The following ZNF41 variants were observed in gnomAD, a reference collection of about 807,000 sequenced individuals.
The protein encoded by ZNF41 is zinc finger protein 41.
ZNF41 carries 6 observed loss-of-function variants against 9.3 expected under a neutral mutation model. That is an observed-to-expected ratio of 0.65 (90% CI 0.35 to 1.28). The LOEUF is 1.28. Among genes scored for constraint, ZNF41 ranks in the 50% most tolerant of loss-of-function variants. The pLI, the probability that ZNF41 is intolerant of heterozygous loss-of-function variation, is 0.03. For missense variants in ZNF41, 523 were observed against 585.8 expected (o/e 0.89, Z 1.11); for synonymous variants, 192 against 207.1 (o/e 0.93, Z 0.63).
rs184531873 is a variant in ZNF41 at position 47,481,640 on chromosome X, C to T, written c.-280+1455G>A. 1.1e-3 allele frequency among the ~76,000 whole-genome samples: 124 copies of T among 111,513 alleles called. 1 individual carries two copies. Among genetic ancestry groups the T allele is most frequent in the African/African-American group, 3.8e-3 (116 of 30,667 alleles). On this transcript the variant is annotated intron_variant, in intron 1 of 4. Coordinates refer to ENST00000684689, the MANE Select transcript of ZNF41 (RefSeq NM_001324144.2). Reference sequence around the variant, plus strand: ...CCATCTCTGGGCGACAGAGTGAGACCCTGTCTCAAAACAAAATAAAACCGA... The same window carrying T: ...CCATCTCTGGGCGACAGAGTGAGACTCTGTCTCAAAACAAAATAAAACCGA...
chrX:47,481,931 G>A (rs949522817), intron 1 of ZNF41, among the ~76,000 whole-genome samples: 3 of 110,274 alleles, frequency 2.7e-5, no homozygotes, highest in Non-Finnish European at 5.7e-5. Flanking sequence ...CAGACCTAAA[G>A]ACCACCTATC....
Position 47,448,992 on chromosome X carries a change from G to A in ZNF41, c.778C>T (p.His260Tyr). The A allele has an allele frequency of 8.3e-7, 1 of 1,211,666 alleles. No individual in the cohort carries two copies. Among genetic ancestry groups the A allele is most frequent in the Non-Finnish European group, 1.1e-6 (1 of 895,491 alleles). ...KHLSHKQAPT[H>Y]HQKIHPEEKL... ...TCCTCAGGATGAATTTTCTGATGGT[G>A]GGTGGGAGCTTGTTTGTGGCTGAGA... The change falls in exon 5 of 5, where the codon CAC becomes TAC. Residue 260 changes from histidine to tyrosine, a missense_variant. His to Tyr is a moderately conservative substitution (Grantham distance 83). Coordinates refer to ENST00000684689, the MANE Select transcript of ZNF41 (RefSeq NM_001324144.2).
intron 1 of ZNF41, among the ~76,000 whole-genome samples, chrX:47,477,818 T>TC (rs1479510007): frequency 1.8e-5 from 2 of 112,469 alleles, no homozygotes; most frequent in Non-Finnish European, 3.8e-5. Flanking sequence ...TCTACCTCAC[T>TC]CCTTATACCA....
rs1556838958 is a variant in ZNF41 at position 47,462,910 on chromosome X, G to GTATGTA, written c.72+4499_72+4500insTACATA. On this transcript the variant is annotated intron_variant, in intron 2 of 4. Transcript: ENST00000684689. ...TACCCGGCTGATTTTTTTTTTGTAT[G>GTATGTA]TATATATATATATATATCACACACA... Among the ~76,000 whole-genome samples, 5 of 92,754 alleles carry GTATGTA rather than the reference G, an allele frequency of 5.4e-5. No individual in the cohort carries two copies. The South Asian group carries it at 2.7e-3, about 50-fold the overall frequency. 80.5% of individuals were successfully genotyped at this position (92,754 alleles called of 115,157 possible).
At chrX:47,450,872 T>C (rs1369977492) in intron 4 of ZNF41, among the ~76,000 whole-genome samples, 1 of 112,010 alleles carries the variant, frequency 8.9e-6, no homozygotes, top group East Asian at 2.8e-4. Flanking sequence ...GGTCCCTGAA[T>C]GACCCATCAG....
At position 47,447,892 on chromosome X, in the gene ZNF41, A is replaced by C. The variant is rs1257924064; in HGVS notation, c.1878T>G (p.His626Gln). ...AAGGCTTCTCTCCAGTATGGATTCT[A>C]TGATGCGCAATGAAGTGCGATTTCT... is the stretch of plus-strand genomic sequence containing the variant. Reference protein sequence around the residue: ...FIQKSHFIAHHRIHTGEKPYE... With the variant: ...FIQKSHFIAHQRIHTGEKPYE... The change falls in exon 5 of 5, where the codon CAT becomes CAG. Residue 626 changes from histidine to glutamine, a missense_variant. Coordinates refer to ENST00000684689, the MANE Select transcript of ZNF41 (RefSeq NM_001324144.2). The C allele has an allele frequency of 1.7e-6, 2 of 1,209,086 alleles. No homozygotes were observed. Among genetic ancestry groups the C allele is most frequent in the Non-Finnish European group, 2.2e-6 (2 of 894,958 alleles).
At position 47,446,108 on chromosome X, in the gene ZNF41, T is replaced by C. The variant is rs748114403; in HGVS notation, c.*1322A>G. The C allele has an allele frequency of 5.4e-5, 6 of 111,352 alleles. No individual in the cohort carries two copies. In the East Asian group the frequency reaches 1.4e-3, roughly 26 times the overall value. 9.2% of individuals were successfully genotyped at this position (111,352 alleles called of 1,213,427 possible). On this transcript the variant is annotated 3_prime_UTR_variant, in exon 5 of 5. Coordinates refer to ENST00000684689, the MANE Select transcript of ZNF41 (RefSeq NM_001324144.2). ...ATGTTTATGATATATGCATTTTCTG[T>C]ATACATTATAGTTTAATAAAAAGAT...
Position 47,448,903 on chromosome X carries a change from A to G in ZNF41, c.867T>C (p.His289=), listed in dbSNP as rs1177905495. ...ACTTTTCTCCAGCATGAATTCTCTGATGCTCAAACAGATGTGACTTCTGAG... is the reference window on the plus strand; with the variant it reads ...ACTTTTCTCCAGCATGAATTCTCTGGTGCTCAAACAGATGTGACTTCTGAG... ...GFTQKSHLFE[H]QRIHAGEKSR... The change falls in exon 5 of 5, where the codon CAT becomes CAC. Residue 289 remains histidine (H), a synonymous_variant. Coordinates refer to ENST00000684689, the MANE Select transcript of ZNF41 (RefSeq NM_001324144.2). 4.1e-6 allele frequency: 5 copies of G among 1,209,768 alleles called. No homozygotes were observed. Among genetic ancestry groups the G allele is most frequent in the Non-Finnish European group, 5.6e-6 (5 of 895,284 alleles).
intron 4 of ZNF41, among the ~76,000 whole-genome samples, chrX:47,452,883 C>T (rs1048600637): frequency 3.6e-5 from 4 of 111,756 alleles, no homozygotes; most frequent in East Asian, 5.6e-4. Flanking sequence ...TGAGCCACCA[C>T]GCCTGGCTGC....
intron 2 of ZNF41, among the ~76,000 whole-genome samples, chrX:47,457,685 C>T (rs748529639): frequency 8.9e-6 from 1 of 112,006 alleles, no homozygotes; most frequent in East Asian, 2.8e-4. Flanking sequence ...ACCAAAAATA[C>T]AAAAATTAGC....
chrX:47,449,818 G>T (rs1444367876), intron 4 of ZNF41, among the ~76,000 whole-genome samples: 1 of 111,539 alleles, frequency 9.0e-6, no homozygotes, highest in African/African-American at 3.3e-5. Flanking sequence ...GCTGAATATC[G>T]AATAGCTAAA....
At chrX:47,462,203 T>C (rs2056822391) in intron 2 of ZNF41, among the ~76,000 whole-genome samples, 1 of 111,073 alleles carries the variant, frequency 9.0e-6, no homozygotes, top group Admixed American at 9.6e-5. Flanking sequence ...TTACTTTTAC[T>C]CCTCCCTGTC....
At position 47,477,697 on chromosome X, in the gene ZNF41, C is replaced by T. The variant is rs934707009; in HGVS notation, c.-280+5398G>A. 3.9e-4 allele frequency among the ~76,000 whole-genome samples: 44 copies of T among 112,045 alleles called. 1 individual carries two copies. Among genetic ancestry groups the T allele is most frequent in the African/African-American group, 1.4e-3 (43 of 30,905 alleles). ...TTTCTTTATGAAGGCTCCTGTGCCA[C>T]ATAAAACTTGTATTAAATAAATCTG... On this transcript the variant is annotated intron_variant, in intron 1 of 4. Transcript: ENST00000684689.
chrX:47,450,599 C>T (rs966574966), intron 4 of ZNF41, among the ~76,000 whole-genome samples: 1 of 111,809 alleles, frequency 8.9e-6, no homozygotes, highest in Admixed American at 9.6e-5. Flanking sequence ...GCAGAATCTG[C>T]AGGCCCTCCC....
chrX:47,467,867 C>A (rs1260090949), intron 1 of ZNF41, 107 bp from the exon 2 acceptor site: 1 of 192,801 alleles, frequency 5.2e-6, no homozygotes, highest in African/African-American at 3.0e-5. Flanking sequence ...TATTTAAGCT[C>A]TTCTATGTTC....
At chrX:47,456,568 T>C in intron 2 of ZNF41, 170 bp from the exon 3 acceptor site, 1 of 634,974 alleles carries the variant, frequency 1.6e-6, no homozygotes, top group Non-Finnish European at 2.3e-6. Flanking sequence ...TATTAAAGTA[T>C]CTTGACATTT....
intron 4 of ZNF41, among the ~76,000 whole-genome samples, chrX:47,454,915 A>C (rs1414240166): frequency 8.9e-6 from 1 of 111,890 alleles, no homozygotes; most frequent in African/African-American, 3.2e-5. Context: ...TGCCCATGGG[A>C]GGAGGCATAA....
chrX:47,458,578 G>A (rs1042802033), intron 2 of ZNF41, among the ~76,000 whole-genome samples: 5 of 111,507 alleles, frequency 4.5e-5, no homozygotes, highest in African/African-American at 1.6e-4. Flanking sequence ...TGTAAAATCT[G>A]ACAAACCAAT....
At chrX:47,467,266 G>C (rs2057022306) in intron 2 of ZNF41, 144 bp downstream of exon 2, 2 of 1,137,296 alleles carry the variant, frequency 1.8e-6, no homozygotes, top group Admixed American at 2.6e-5. Context: ...CTCAGCAAGA[G>C]GACCCTGATC....
Sources: gnomAD v4.1 joint callset for allele counts (sites outside exome capture counted in the v4.1 genomes callset) on GRCh38, gnomAD v4.1.1 for gene constraint, MANE v1.5 for transcripts, NCBI Gene and HGNC (gene_info 2026-07-23, HGNC 2026-07-21) for gene names.